The following CALCOCO2 variants were observed in gnomAD, a reference collection of about 807,000 sequenced individuals.
The protein encoded by CALCOCO2 is calcium binding and coiled-coil domain 2, also known as calcium-binding and coiled-coil domain-containing protein 2.
In CALCOCO2, 42 loss-of-function variants were observed where a neutral mutation model predicts 62.5. The ratio of observed to expected loss-of-function variants is 0.67; its 90% CI spans 0.53 to 0.87. The LOEUF (loss-of-function observed/expected upper bound fraction) is 0.87. Among genes scored for constraint, CALCOCO2 ranks in the 40% least tolerant of loss-of-function variants. The pLI is 0.00. For missense variants in CALCOCO2, 456 were observed against 515.0 expected (o/e 0.89, Z 1.11); for synonymous variants, 167 against 173.0 (o/e 0.97, Z 0.27).
intron 10 of CALCOCO2, among the ~76,000 whole-genome samples, chr17:48,858,330 T>TTTTG (rs146801337): frequency 5.9e-5 from 9 of 151,932 alleles, no homozygotes; most frequent in Non-Finnish European, 1.3e-4. Context: ...TTTGCTTTTG[T>TTTTG]TTTGTTTGTT....
At position 48,864,045 on chromosome 17, in the gene CALCOCO2, AGGCCCT is replaced by A. The variant is rs1253622066; in HGVS notation, c.*1044_*1049del. 1 of 148,112 alleles carries A rather than the reference AGGCCCT, an allele frequency of 6.8e-6. No individual in the cohort carries two copies. Among genetic ancestry groups the A allele is most frequent in the African/African-American group, 2.5e-5 (1 of 40,404 alleles). 9.2% of individuals were successfully genotyped at this position (148,112 alleles called of 1,614,324 possible). A position where few individuals can be genotyped will look rare whatever the true frequency, so the allele number is the denominator to read the frequency against. ...ATGAAACATTAGTTTGTGAAATCCA[AGGCCCT>A]GGCTTGCTTTCTTTCTTTTTTTTTT... On this transcript the variant is annotated 3_prime_UTR_variant, in exon 13 of 13. Transcript: ENST00000258947.
intron 2 of CALCOCO2, chr17:48,846,228 C>G: frequency 1.8e-6 from 1 of 560,272 alleles, no homozygotes; most frequent in Non-Finnish European, 3.1e-6. Context: ...CCTCTGCCTC[C>G]TGGGTTCCAG....
rs892575471 is a variant in CALCOCO2, at chr17:48,842,563, CCCAGG to C, written c.180+678_180+682del. On this transcript the variant is annotated intron_variant, in intron 2 of 12. Coordinates refer to ENST00000258947, the MANE Select transcript of CALCOCO2 (RefSeq NM_005831.5). ...TAGTTCACTGCAGCCTCAACCTCCT[CCCAGG>C]CTCAGTGATCCTCCCACCTCAGCCT... is the stretch of plus-strand genomic sequence containing the variant. 2.6e-4 allele frequency: 39 copies of C among 152,166 alleles called. 1 individual carries two copies. The allele number at this position is 152,166 out of a possible 1,614,324, so 9.4% of individuals were successfully genotyped here.
intron 1 of CALCOCO2, among the ~76,000 whole-genome samples, chr17:48,833,806 A>G (rs533487185): frequency 3.3e-5 from 5 of 152,148 alleles, no homozygotes; most frequent in Admixed American, 1.3e-4. Flanking sequence ...TAAAAAACCT[A>G]TCAGTGTAGT....
Position 48,848,556 on chromosome 17 carries a change from G to A in CALCOCO2, c.417+101G>A, listed in dbSNP as rs1456189725. The A allele has an allele frequency of 1.1e-5, 12 of 1,070,028 alleles. No individual in the cohort carries two copies. In the East Asian group the frequency reaches 2.8e-4, roughly 25 times the overall value. The allele number at this position is 1,070,028 out of a possible 1,614,324, so 66.3% of individuals were successfully genotyped here. A position where few individuals can be genotyped will look rare whatever the true frequency, so the allele number is the denominator to read the frequency against. ...ATAAGGCTTTATTGAATATCTAACG[G>A]GTATCATTGGAAAAAATGTATGTAG... On this transcript the variant is annotated intron_variant, in intron 4 of 12. Transcript: ENST00000258947.
At chr17:48,861,705 T>A (rs962654732) in intron 11 of CALCOCO2, among the ~76,000 whole-genome samples, 1 of 136,970 alleles carries the variant, frequency 7.3e-6, no homozygotes, top group African/African-American at 3.0e-5. Flanking sequence ...TGTGTGTGTG[T>A]GAAATGAAAA....
At chr17:48,852,009 G>C (rs771900919) in intron 7 of CALCOCO2, among the ~76,000 whole-genome samples, 2 of 151,910 alleles carry the variant, frequency 1.3e-5, no homozygotes, top group African/African-American at 4.8e-5. Flanking sequence ...ATTTACAGGC[G>C]CACGTGTAAT....
chr17:48,832,917 A>G (rs1454291581), intron 1 of CALCOCO2, among the ~76,000 whole-genome samples: 1 of 152,184 alleles, frequency 6.6e-6, no homozygotes, highest in Non-Finnish European at 1.5e-5. Flanking sequence ...GGGCCTGTTT[A>G]GAAAAAGCTG....
At chr17:48,857,675 TTAAAACACA>T (rs910731495) in intron 10 of CALCOCO2, among the ~76,000 whole-genome samples, 2 of 149,774 alleles carry the variant, frequency 1.3e-5, no homozygotes, top group African/African-American at 4.9e-5. Flanking sequence ...AAAATTGCGG[TTAAAACACA>T]TAAAATTTGG....
chr17:48,832,540 G>T (rs779811972), intron 1 of CALCOCO2, among the ~76,000 whole-genome samples: 2 of 152,132 alleles, frequency 1.3e-5, no homozygotes, highest in African/African-American at 2.4e-5. Context: ...ATCAGGCAAG[G>T]TCCTTGAAGA....
intron 9 of CALCOCO2, among the ~76,000 whole-genome samples, chr17:48,855,036 G>A (rs1227444255): frequency 3.3e-5 from 5 of 152,126 alleles, no homozygotes; most frequent in African/African-American, 1.2e-4. Flanking sequence ...AAAGCAAGAG[G>A]TGCAAAGGTT....
chr17:48,854,325 A>AG (rs1300973602), intron 9 of CALCOCO2, among the ~76,000 whole-genome samples: 1 of 130,114 alleles, frequency 7.7e-6, no homozygotes, highest in Non-Finnish European at 1.6e-5. Flanking sequence ...CAAAAAAAAA[A>AG]AAAAAAAGGT....
Position 48,841,894 on chromosome 17 carries a change from G to T in CALCOCO2, c.180+7G>T. On this transcript the variant is annotated splice_region_variant and intron_variant, in intron 2 of 12. Transcript: ENST00000258947. The stretch of plus-strand genomic sequence containing the variant: ...TTGGATTGGCATCTTTAGAGTAAGT[G>T]GTTAATTCAGTACCAAGTGATCAGG... The T allele has an allele frequency of 6.3e-7, 1 of 1,599,726 alleles. No homozygotes were observed. The highest frequency in any genetic ancestry group is 1.1e-5 in the South Asian group (1 of 89,606).
intron 2 of CALCOCO2, chr17:48,846,600 C>T (rs2040056900): frequency 4.4e-6 from 3 of 674,410 alleles, no homozygotes; most frequent in Middle Eastern, 4.8e-4. Flanking sequence ...CATTAAGAAA[C>T]TCCAGGATGT....
intron 2 of CALCOCO2, among the ~76,000 whole-genome samples, chr17:48,844,346 T>C (rs1474633652): frequency 1.3e-5 from 2 of 152,194 alleles, no homozygotes; most frequent in Admixed American, 6.5e-5. Flanking sequence ...TCTTTTTTTT[T>C]TCTTTTTGGA....
At chr17:48,838,149 T>C (rs9913202) in intron 1 of CALCOCO2, among the ~76,000 whole-genome samples, 92,042 of 151,400 alleles carry the variant, frequency 0.61, 28,994 homozygotes, top group East Asian at 0.9. Flanking sequence ...TAAGGGGGTA[T>C]GCGTGAGAGG....
At chr17:48,851,683 C>T in intron 7 of CALCOCO2, 55 bp downstream of exon 7, 1 of 999,202 alleles carries the variant, frequency 1.0e-6, no homozygotes, top group Non-Finnish European at 1.6e-6. Context: ...ACCACTGCTC[C>T]AATTTGGTGG....
chr17:48,857,301 G>A (rs55681610), intron 10 of CALCOCO2, among the ~76,000 whole-genome samples: 24,562 of 148,452 alleles, frequency 0.17, 3,612 homozygotes, highest in African/African-American at 0.4. Context: ...GGGTTCAAGC[G>A]ATTCCCCTGC....
chr17:48,855,863 C>CAAAAAAAAAAAA (rs11463396), intron 9 of CALCOCO2: 1 of 164,966 alleles, frequency 6.1e-6, no homozygotes. Flanking sequence ...TCAGCTAAAC[C>CAAAAAAAAAAAA]AAAAAAAAAA....
Sources: allele counts gnomAD v4.1 joint callset (sites outside exome capture counted in the v4.1 genomes callset), GRCh38; gene constraint gnomAD v4.1.1; transcripts MANE v1.5; gene names NCBI Gene and HGNC (gene_info 2026-07-23, HGNC 2026-07-21).